NPAS1: variants seen among roughly 807,000 people sequenced by gnomAD.
NPAS1 encodes the protein neuronal PAS domain-containing protein 1.
NPAS1 carries 29 observed loss-of-function variants against 49.2 expected under a neutral mutation model. The ratio of observed to expected loss-of-function variants is 0.59; its 90% CI spans 0.44 to 0.80. The LOEUF (loss-of-function observed/expected upper bound fraction) is 0.80. Among genes scored for constraint, NPAS1 ranks in the 30% least tolerant of loss-of-function variants. The pLI is 0.00. For synonymous variants in NPAS1, 408 were observed against 380.4 expected (o/e 1.07, Z -0.84); for missense variants, 825 against 835.5 (o/e 0.99, Z 0.15).
chr19:47,039,992 C>T (rs898063639), intron 8 of NPAS1, among the ~76,000 whole-genome samples: 2 of 152,104 alleles, frequency 1.3e-5, no homozygotes, highest in Non-Finnish European at 2.9e-5. Flanking sequence ...CGCGAATACT[C>T]GCAGCTGCCC....
In NPAS1 at chr19:47,041,117, C is replaced by T. The variant is rs760738817; in HGVS notation, c.1209C>T (p.His403=). The change falls in exon 10 of 12, where the codon CAC becomes CAT. Residue 403 remains histidine, a synonymous_variant. Coordinates refer to ENST00000602212, the MANE Select transcript of NPAS1 (RefSeq NM_002517.4). ...PGEHHVLWVS[H]VLSQAEGGQT... ...AGCACCATGTGCTTTGGGTCAGCCA[C>T]GTGCTCAGGTGAGGGCTGTGCCCAC... The T allele has an allele frequency of 1.8e-5, 29 of 1,586,608 alleles. No individual in the cohort carries two copies. The highest frequency in any genetic ancestry group is 1.9e-4 in the Middle Eastern group (1 of 5,354).
chr19:47,038,409 C>G (rs2056983003), intron 6 of NPAS1, among the ~76,000 whole-genome samples: 1 of 142,050 alleles, frequency 7.0e-6, no homozygotes, highest in African/African-American at 2.5e-5. Flanking sequence ...TCCAGCTACT[C>G]AGGAAGCTGA....
intron 10 of NPAS1, 99 bp downstream of exon 10, chr19:47,041,224 C>T (rs2057018275): frequency 8.3e-7 from 1 of 1,204,890 alleles, no homozygotes; most frequent in Admixed American, 3.0e-5. Context: ...TAGAATGGGA[C>T]AAGCCCAGGG....
At position 47,039,064 on chromosome 19, in the gene NPAS1, C is replaced by T. The variant is rs2056990824; in HGVS notation, c.717C>T (p.Ser239=). Reference sequence around the variant, plus strand: ...CCAGCCTCACCAAGGTGCCCCCCTCCTCCCTGGTCCAGGAGCGCTCCTTCT... The same window carrying T: ...CCAGCCTCACCAAGGTGCCCCCCTCTTCCCTGGTCCAGGAGCGCTCCTTCT... ...IEASLTKVPP[S]SLVQERSFFV... is the part of the protein sequence containing the mutation. The change falls in exon 7 of 12, where the codon TCC becomes TCT. Residue 239 remains serine (S), a synonymous_variant. Transcript: ENST00000602212. 6.2e-7 allele frequency: 1 copy of T among 1,614,206 alleles called. No individual in the cohort carries two copies. The highest frequency in any genetic ancestry group is 8.5e-7 in the Non-Finnish European group (1 of 1,180,028).
At chr19:47,040,915 G>C in intron 9 of NPAS1, 63 bp from the exon 10 acceptor site, 1 of 1,351,454 alleles carries the variant, frequency 7.4e-7, no homozygotes, top group Non-Finnish European at 9.8e-7. Context: ...TGTCTACCTG[G>C]CTCTCTGTCT....
chr19:47,027,804 AG>A (rs2056883885), intron 3 of NPAS1, among the ~76,000 whole-genome samples: 1 of 152,096 alleles, frequency 6.6e-6, no homozygotes, highest in Admixed American at 6.6e-5. Context: ...AACCACAGCA[AG>A]TGTTTGTTAA....
intron 5 of NPAS1, among the ~76,000 whole-genome samples, chr19:47,034,241 G>C (rs992892730): frequency 6.8e-6 from 1 of 146,684 alleles, no homozygotes; most frequent in African/African-American, 2.5e-5. Context: ...TTGAACCCAG[G>C]AAGTGGAGGG....
chr19:47,026,095 T>C (rs886148759), intron 3 of NPAS1, among the ~76,000 whole-genome samples: 2 of 152,104 alleles, frequency 1.3e-5, no homozygotes, highest in South Asian at 2.1e-4. Context: ...CACGCCACCA[T>C]GCCCAGCTAA....
intron 3 of NPAS1, among the ~76,000 whole-genome samples, chr19:47,028,025 G>T (rs2056885010): frequency 6.6e-6 from 1 of 151,918 alleles, no homozygotes; most frequent in African/African-American, 2.4e-5. Context: ...GGAGACTCTG[G>T]GGGTCCCTTT....
At chr19:47,035,736 G>T in intron 5 of NPAS1, 1 of 511,482 alleles carries the variant, frequency 2.0e-6, no homozygotes, top group Non-Finnish European at 3.4e-6. Context: ...TAATAGAGTG[G>T]GCGGGGAAAA....
At chr19:47,044,670 A>G (rs570055734) in intron 11 of NPAS1, among the ~76,000 whole-genome samples, 55 of 152,314 alleles carry the variant, frequency 3.6e-4, no homozygotes, top group Non-Finnish European at 2.4e-4. Context: ...CTAGATGCCA[A>G]TGGTGACCTC....
Position 47,045,689 on chromosome 19 carries a change from C to G in NPAS1, c.*38C>G. 1 of 1,373,444 alleles carries G rather than the reference C, an allele frequency of 7.3e-7. No homozygotes were observed. 85.1% of individuals were successfully genotyped at this position (1,373,444 alleles called of 1,614,324 possible). A position where few individuals can be genotyped will look rare whatever the true frequency, so the allele number is the denominator to read the frequency against. Reference sequence around the variant, plus strand: ...CTGCCGGCGCCGGACCCTGCGACAACCGGGGTCCCCCAGGACAGTAGGCCC... The same window carrying G: ...CTGCCGGCGCCGGACCCTGCGACAAGCGGGGTCCCCCAGGACAGTAGGCCC... On this transcript the variant is annotated 3_prime_UTR_variant, in exon 12 of 12. Coordinates refer to ENST00000602212, the MANE Select transcript of NPAS1 (RefSeq NM_002517.4).
chr19:47,042,913 C>T lies in NPAS1; in HGVS notation c.1312+9C>T, dbSNP rs367607975. The T allele has an allele frequency of 1.1e-5, 18 of 1,570,780 alleles. No homozygotes were observed. The African/African-American group carries it at 2.5e-4, about 21-fold the overall frequency. On this transcript the variant is annotated intron_variant, in intron 11 of 11. Coordinates refer to ENST00000602212, the MANE Select transcript of NPAS1 (RefSeq NM_002517.4). ...GGGGCCAGAGCCCACAGGTGAGCCC[C>T]ACCTCCCACCTTGGCCCCTGGGAAG...
At chr19:47,020,150 C>T (rs1481705412) in intron 1 of NPAS1, among the ~76,000 whole-genome samples, 153 bp downstream of exon 1, 3 of 148,894 alleles carry the variant, frequency 2.0e-5, no homozygotes, top group Middle Eastern at 3.4e-3. Flanking sequence ...CTGGAGAAAT[C>T]TGGGGTTGGG....
At position 47,021,159 on chromosome 19, in the gene NPAS1, T is replaced by C. The variant is rs1418747043; in HGVS notation, c.112T>C (p.Ser38Pro). The stretch of plus-strand genomic sequence containing the variant: ...ACCCGGGCTGATGGTCAAGGCGCCG[T>C]CCGGACCGTGGTGAGCAAAGCCCCG... ...FLPGLMVKAP[S>P]GPCLQAQRKE... Residue 38 changes from serine (S) to proline (P), a missense_variant, in exon 2 of 12, where the codon TCC becomes CCC. Transcript: ENST00000602212. This position sits in a 1 kb window ranked among gnomAD's most constrained non-coding sequence, Gnocchi z 5.7. 1 of 1,586,196 alleles carries C rather than the reference T, an allele frequency of 6.3e-7. No individual in the cohort carries two copies. The highest frequency in any genetic ancestry group is 8.6e-7 in the Non-Finnish European group (1 of 1,168,406).
chr19:47,029,837 C>T lies in NPAS1; in HGVS notation c.359-2441C>T, dbSNP rs181728572. 2.4e-4 allele frequency among the ~76,000 whole-genome samples: 36 copies of T among 152,328 alleles called. 1 individual carries two copies. The highest frequency in any genetic ancestry group is 2.2e-3 in the Admixed American group (33 of 15,294). On this transcript the variant is annotated intron_variant, in intron 3 of 11. Coordinates refer to ENST00000602212, the MANE Select transcript of NPAS1 (RefSeq NM_002517.4). ...TCAATTCTTTTGATTACATAGATTA[C>T]ATACACAGAAGTGGATTTGCTAACT...
intron 5 of NPAS1, among the ~76,000 whole-genome samples, chr19:47,034,822 G>A (rs2056935624): frequency 1.3e-5 from 2 of 152,078 alleles, no homozygotes; most frequent in African/African-American, 4.8e-5. Flanking sequence ...GTTGCAGTGA[G>A]CCAAGATTGC....
At position 47,021,175 on chromosome 19, in the gene NPAS1, C is replaced by A. The variant is rs771746690; in HGVS notation, c.122+6C>A. ...AAGGCGCCGTCCGGACCGTGGTGAG[C>A]AAAGCCCCGCCCCCCTGGCCGCGGG... is the stretch of plus-strand genomic sequence containing the variant. On this transcript the variant is annotated splice_donor_region_variant and intron_variant, in intron 2 of 11. Coordinates refer to ENST00000602212, the MANE Select transcript of NPAS1 (RefSeq NM_002517.4). This position sits in a 1 kb window ranked among gnomAD's most constrained non-coding sequence, Gnocchi z 5.7. 27 of 1,554,254 alleles carry A rather than the reference C, an allele frequency of 1.7e-5. No individual in the cohort carries two copies. Among genetic ancestry groups the A allele is most frequent in the East Asian group, 1.5e-4 (6 of 41,234 alleles).
chr19:47,022,214 G>A (rs1195138405), intron 3 of NPAS1, among the ~76,000 whole-genome samples: 1 of 152,178 alleles, frequency 6.6e-6, no homozygotes, highest in Non-Finnish European at 1.5e-5. Context: ...ACGCCCATTC[G>A]CTAATGGGCG....
Sources: gnomAD v4.1 joint callset for allele counts (sites outside exome capture counted in the v4.1 genomes callset) on GRCh38, gnomAD v4.1.1 for gene constraint, Gnocchi (gnomAD v3.1) non-coding constraint, MANE v1.5 for transcripts, NCBI Gene and HGNC (gene_info 2026-07-23, HGNC 2026-07-21) for gene names.